WDR64: variants seen among roughly 807,000 people sequenced by gnomAD.
WDR64 encodes WD repeat domain 64.
A neutral mutation model predicts 139.3 loss-of-function variants in WDR64; 112 were observed. The ratio of observed to expected loss-of-function variants is 0.80; its 90% CI spans 0.69 to 0.94. WDR64 has a LOEUF of 0.94. WDR64 is among the 40% of genes least tolerant of loss of function. WDR64 has a pLI of 0.00. For synonymous variants in WDR64, 444 were observed against 437.7 expected (o/e 1.01, Z -0.18); for missense variants, 1,206 against 1,293.1 (o/e 0.93, Z 1.03).
rs912499905 is a variant in WDR64, at chr1:241,671,098, G to C, written c.301G>C (p.Glu101Gln). 1.9e-6 allele frequency: 3 copies of C among 1,550,436 alleles called. No homozygotes were observed. The highest frequency in any genetic ancestry group is 1.4e-5 in the African/African-American group (1 of 73,006). ...CEIFGYFSSE[E>Q]DPIASQLDEE... ...GATCTTTGGATACTTCTCCTCTGAAGAAGATCCTATTGCTTCCCAGTTGGA... is the reference window on the plus strand; with the variant it reads ...GATCTTTGGATACTTCTCCTCTGAACAAGATCCTATTGCTTCCCAGTTGGA... Residue 101 changes from glutamate (E) to glutamine (Q), a missense_variant, in exon 3 of 28, where the codon GAA becomes CAA. Physicochemically the swap from Glu to Gln is conservative, Grantham distance 29. Transcript: ENST00000437684.
At position 241,772,911 on chromosome 1, in the gene WDR64, C is replaced by T; in HGVS notation, c.2410C>T (p.Leu804Phe). 3.9e-6 allele frequency: 6 copies of T among 1,551,370 alleles called. No individual in the cohort carries two copies. Among genetic ancestry groups the T allele is most frequent in the Non-Finnish European group, 3.5e-6 (4 of 1,146,756 alleles). The change falls in exon 20 of 28, where the codon CTC (leucine) becomes TTC (phenylalanine). Residue 804 changes from leucine to phenylalanine, a missense_variant. Coordinates refer to ENST00000437684, the MANE Select transcript of WDR64 (RefSeq NM_001367482.1). ...ILVTAHEDGHLRLWTLEGRLL... is the reference protein window; with the variant it reads ...ILVTAHEDGHFRLWTLEGRLL... ...TGTCACTGCTCATGAGGATGGACAC[C>T]TCCGCTTGTGGACTCTGGAGGTAAT...
chr1:241,673,444 C>T (rs937450738), intron 3 of WDR64, among the ~76,000 whole-genome samples: 13 of 151,968 alleles, frequency 8.6e-5, no homozygotes, highest in Non-Finnish European at 1.6e-4. Flanking sequence ...TTACTGAACC[C>T]TAAGGAGCCT....
chr1:241,698,728 T>C (rs1039768174), intron 8 of WDR64, among the ~76,000 whole-genome samples: 1 of 152,150 alleles, frequency 6.6e-6, no homozygotes, highest in Non-Finnish European at 1.5e-5. Flanking sequence ...TCTTTAAGGA[T>C]CAGATGGTAC....
intron 9 of WDR64, among the ~76,000 whole-genome samples, chr1:241,713,491 A>C (rs1157838775): frequency 7.7e-6 from 1 of 130,174 alleles, no homozygotes; most frequent in Non-Finnish European, 1.6e-5. Context: ...GAAAGAAAGA[A>C]GGAACGGAAA....
chr1:241,687,142 TA>T (rs1275749624), intron 7 of WDR64, among the ~76,000 whole-genome samples: 1 of 151,868 alleles, frequency 6.6e-6, no homozygotes, highest in Non-Finnish European at 1.5e-5. Context: ...CCGTCTCTAC[TA>T]AAAATACAAA....
At chr1:241,681,004 G>A (rs748575712) in intron 6 of WDR64, among the ~76,000 whole-genome samples, 8 of 151,768 alleles carry the variant, frequency 5.3e-5, no homozygotes, top group Non-Finnish European at 8.8e-5. Context: ...CCTTACTTTC[G>A]TCCTCTCTCT....
chr1:241,791,105 G>A (rs1659202872), intron 25 of WDR64, among the ~76,000 whole-genome samples: 1 of 132,866 alleles, frequency 7.5e-6, no homozygotes, highest in Non-Finnish European at 1.6e-5. Context: ...TGATCAACAT[G>A]GCGAAACTCC....
chr1:241,674,874 CTTTCTTTCCTTCTTGCTTTTATTT>C, intron 4 of WDR64, 127 bp downstream of exon 4: 1 of 136,956 alleles, frequency 7.3e-6, no homozygotes, highest in African/African-American at 8.8e-5. Flanking sequence ...TCCCTCCTTT[CTTTCTTTCCTTCTTGCTTTTATTT>C]CCTTCCTCTT....
At chr1:241,796,874 G>T (rs1659383548) in intron 27 of WDR64, among the ~76,000 whole-genome samples, 1 of 152,160 alleles carries the variant, frequency 6.6e-6, no homozygotes, top group Admixed American at 6.5e-5. Flanking sequence ...GCTGGACAGA[G>T]AAAGAGAAAA....
At chr1:241,776,490 A>G (rs886862382) in intron 21 of WDR64, among the ~76,000 whole-genome samples, 1 of 152,134 alleles carries the variant, frequency 6.6e-6, no homozygotes, top group African/African-American at 2.4e-5. Context: ...TTATAAATAA[A>G]TTTACATTTA....
At chr1:241,755,209 T>C (rs1670138081) in intron 14 of WDR64, among the ~76,000 whole-genome samples, 1 of 152,192 alleles carries the variant, frequency 6.6e-6, no homozygotes, top group African/African-American at 2.4e-5. Flanking sequence ...CATTCCTATT[T>C]CTCCATATCC....
intron 15 of WDR64, among the ~76,000 whole-genome samples, chr1:241,765,683 C>T (rs1658127565): frequency 6.6e-6 from 1 of 152,308 alleles, no homozygotes; most frequent in African/African-American, 2.4e-5. Flanking sequence ...GCACTGTAAT[C>T]AACACTTTGA....
rs899924761 is a variant in WDR64 at position 241,656,870 on chromosome 1, T to G, written c.146-3660T>G. ...AAATGTCTCAAGTCTTTGCCAAATG[T>G]TGTGTGTGTGTGTGTGTGTGTGTGT... On this transcript the variant is annotated intron_variant, in intron 1 of 27. Transcript: ENST00000437684. This position sits in a 1 kb window ranked among gnomAD's most constrained non-coding sequence, Gnocchi z 4.3. 2.3e-5 allele frequency among the ~76,000 whole-genome samples: 2 copies of G among 86,644 alleles called. No individual in the cohort carries two copies. Among genetic ancestry groups the G allele is most frequent in the African/African-American group, 8.9e-5 (2 of 22,422 alleles). The allele number at this position is 86,644 out of a possible 152,430, so 56.8% of individuals were successfully genotyped here.
intron 14 of WDR64, among the ~76,000 whole-genome samples, chr1:241,755,091 T>A (rs898046235): frequency 6.6e-6 from 1 of 152,214 alleles, no homozygotes; most frequent in African/African-American, 2.4e-5. Context: ...TACCAAGTAA[T>A]AGGATTGCTG....
At chr1:241,674,969 T>TC (rs199899482) in intron 4 of WDR64, among the ~76,000 whole-genome samples, 1 of 11,466 alleles carries the variant, frequency 8.7e-5, no homozygotes, top group African/African-American at 2.5e-4. Context: ...CTCCCTTCTT[T>TC]TTCTTTCCTT....
chr1:241,792,242 G>A (rs778081918), intron 25 of WDR64, among the ~76,000 whole-genome samples: 4 of 152,084 alleles, frequency 2.6e-5, no homozygotes, highest in Admixed American at 6.6e-5. Context: ...ACATAGGAAG[G>A]TTAGTATACA....
At chr1:241,727,561 C>T (rs1331014998) in intron 10 of WDR64, among the ~76,000 whole-genome samples, 1 of 152,122 alleles carries the variant, frequency 6.6e-6, no homozygotes, top group African/African-American at 2.4e-5. Flanking sequence ...TTAACAAATA[C>T]TTATTTATTT....
Position 241,729,733 on chromosome 1 carries a change from A to G in WDR64, c.1194+6297A>G, listed in dbSNP as rs536301008. 1.3e-3 allele frequency among the ~76,000 whole-genome samples: 204 copies of G among 152,354 alleles called. 1 individual carries two copies. The highest frequency in any genetic ancestry group is 2.4e-3 in the Non-Finnish European group (165 of 68,030). On this transcript the variant is annotated intron_variant, in intron 10 of 27. Transcript: ENST00000437684. ...AAATTTGAAATAAACCTGGAGATAG[A>G]AAAACTAACCTTTTAAAATGTTACC... is the stretch of plus-strand genomic sequence containing the variant.
At chr1:241,667,471 A>C (rs1159680240) in intron 2 of WDR64, among the ~76,000 whole-genome samples, 1 of 152,174 alleles carries the variant, frequency 6.6e-6, no homozygotes, top group African/African-American at 2.4e-5. Context: ...TTAAGGTACT[A>C]ATCAGTTAAC....
Sources: gnomAD v4.1 joint callset for allele counts (sites outside exome capture counted in the v4.1 genomes callset) on GRCh38, gnomAD v4.1.1 for gene constraint, Gnocchi (gnomAD v3.1) non-coding constraint, MANE v1.5 for transcripts, NCBI Gene and HGNC (gene_info 2026-07-23, HGNC 2026-07-21) for gene names.